RBM19: variants seen among roughly 807,000 people sequenced by gnomAD.
The protein encoded by RBM19 is probable RNA-binding protein 19.
Under a neutral mutation model 116.8 loss-of-function variants are expected in RBM19, and 94 were observed. The ratio of observed to expected loss-of-function variants is 0.80; its 90% CI spans 0.68 to 0.95. The LOEUF is 0.95. Ranked by LOEUF, RBM19 falls within the 40% of genes least tolerant of loss-of-function variation. The pLI is 0.00. For synonymous variants in RBM19, 475 were observed against 494.1 expected (o/e 0.96, Z 0.51); for missense variants, 1,161 against 1,220.7 (o/e 0.95, Z 0.73).
At chr12:113,828,570 C>G (rs1875085201) in intron 23 of RBM19, among the ~76,000 whole-genome samples, 1 of 152,080 alleles carries the variant, frequency 6.6e-6, no homozygotes, top group African/African-American at 2.4e-5. Flanking sequence ...GTGTGGAGGC[C>G]AGAATGAGGC....
rs1880563099 is a variant in RBM19 at position 113,886,840 on chromosome 12, C to T, written c.2559-27944G>A. 2.0e-5 allele frequency among the ~76,000 whole-genome samples: 3 copies of T among 152,154 alleles called. No homozygotes were observed. The South Asian group carries it at 6.2e-4, about 32-fold the overall frequency. On this transcript the variant is annotated intron_variant, in intron 21 of 23. Coordinates refer to ENST00000261741, the MANE Select transcript of RBM19 (RefSeq NM_016196.4). Reference sequence around the variant, plus strand: ...CGAGTTTCTCAAACAGTAAACATCACACAGGCCACGCAGCCCAAGGACAGA... The same window carrying T: ...CGAGTTTCTCAAACAGTAAACATCATACAGGCCACGCAGCCCAAGGACAGA...
Position 113,887,009 on chromosome 12 carries a change from C to T in RBM19, c.2558+27960G>A, listed in dbSNP as rs1040880525. Among the ~76,000 whole-genome samples the T allele has an allele frequency of 9.2e-5, 14 of 152,020 alleles. 1 individual carries two copies. The highest frequency in any genetic ancestry group is 3.4e-4 in the African/African-American group (14 of 41,364). Reference sequence around the variant, plus strand: ...TGTACCGCCTGTTTTGTACAGCCATCGAAGCAAGGGTGGTTTTTACATTTT... The same window carrying T: ...TGTACCGCCTGTTTTGTACAGCCATTGAAGCAAGGGTGGTTTTTACATTTT... On this transcript the variant is annotated intron_variant, in intron 21 of 23. Coordinates refer to ENST00000261741, the MANE Select transcript of RBM19 (RefSeq NM_016196.4).
intron 8 of RBM19, among the ~76,000 whole-genome samples, chr12:113,951,682 T>G (rs757880371): frequency 3.3e-5 from 5 of 152,120 alleles, no homozygotes; most frequent in Admixed American, 6.5e-5. Flanking sequence ...AGGAGAAGGA[T>G]GGGTGGCTGA....
rs1593557713 is a variant in RBM19 at position 113,903,057 on chromosome 12, C to A, written c.2558+11912G>T. Among the ~76,000 whole-genome samples the A allele has an allele frequency of 6.6e-6, 1 of 152,178 alleles. No individual in the cohort carries two copies. Among genetic ancestry groups the A allele is most frequent in the African/African-American group, 2.4e-5 (1 of 41,440 alleles). Reference sequence around the variant, plus strand: ...CCTGTACCCTCTATCCAGTAACTCCCAACCTACCTTCCCCTTCCCTAAGCA... The same window carrying A: ...CCTGTACCCTCTATCCAGTAACTCCAAACCTACCTTCCCCTTCCCTAAGCA... On this transcript the variant is annotated intron_variant, in intron 21 of 23. Coordinates refer to ENST00000261741, the MANE Select transcript of RBM19 (RefSeq NM_016196.4). The surrounding 1 kb of genome is among the most constrained non-coding windows in gnomAD (Gnocchi z 5.1).
chr12:113,964,062 C>T (rs1237321433), intron 1 of RBM19, among the ~76,000 whole-genome samples: 1 of 152,204 alleles, frequency 6.6e-6, no homozygotes, highest in Admixed American at 6.5e-5. Flanking sequence ...GATCTGGTGC[C>T]TCTCTTTTCT....
chr12:113,960,147 G>A lies in RBM19; in HGVS notation c.251C>T (p.Ala84Val), dbSNP rs750942479. 1.9e-6 allele frequency: 3 copies of A among 1,613,964 alleles called. No homozygotes were observed. Among genetic ancestry groups the A allele is most frequent in the Non-Finnish European group, 2.5e-6 (3 of 1,180,048 alleles). The change falls in exon 3 of 24, where the codon GCC becomes GTC. Residue 84 changes from alanine (A) to valine (V), a missense_variant. Coordinates refer to ENST00000261741, the MANE Select transcript of RBM19 (RefSeq NM_016196.4). ...VEFCKSFGDPAKPRAWSKHAQ... is the reference protein window; with the variant it reads ...VEFCKSFGDPVKPRAWSKHAQ... ...ATGTTTGCTCCAGGCTCTGGGTTTG[G>A]CCGGGTCCCCGAATGACTTGCAGAA...
At chr12:113,849,676 T>C (rs1296790891) in intron 22 of RBM19, among the ~76,000 whole-genome samples, 1 of 152,202 alleles carries the variant, frequency 6.6e-6, no homozygotes, top group Non-Finnish European at 1.5e-5. Context: ...GACCCCCAGA[T>C]GGTCTGCTGG....
At chr12:113,929,076 C>T (rs181720400) in intron 16 of RBM19, among the ~76,000 whole-genome samples, 120 of 152,248 alleles carry the variant, frequency 7.9e-4, no homozygotes, top group Admixed American at 3.3e-3. Flanking sequence ...GTCCCACGGG[C>T]GGGTACGCTG....
intron 17 of RBM19, among the ~76,000 whole-genome samples, chr12:113,925,933 C>A (rs1049170879): frequency 9.2e-5 from 14 of 152,218 alleles, no homozygotes; most frequent in African/African-American, 3.4e-4. Context: ...TACATGCCGC[C>A]ATTTAAAAGC....
chr12:113,823,694 C>A (rs1214950202), intron 23 of RBM19, among the ~76,000 whole-genome samples: 1 of 152,126 alleles, frequency 6.6e-6, no homozygotes, highest in Non-Finnish European at 1.5e-5. Flanking sequence ...CTTCTACCCG[C>A]AGGGGAAAGG....
intron 21 of RBM19, among the ~76,000 whole-genome samples, chr12:113,888,917 G>A (rs140883162): frequency 4.0e-4 from 61 of 152,320 alleles, no homozygotes; most frequent in African/African-American, 9.9e-4. Context: ...GGTTCTTAAC[G>A]GGTGGTACTG....
At chr12:113,849,542 TTG>T (rs1877283971) in intron 22 of RBM19, among the ~76,000 whole-genome samples, 2 of 152,210 alleles carry the variant, frequency 1.3e-5, no homozygotes, top group Non-Finnish European at 2.9e-5. Context: ...AGTGGGACAT[TTG>T]GCCTTTTGAA....
intron 1 of RBM19, among the ~76,000 whole-genome samples, chr12:113,963,210 T>C (rs561777892): frequency 6.6e-6 from 1 of 152,352 alleles, no homozygotes; most frequent in Admixed American, 6.5e-5. Context: ...TTTAAGCCAC[T>C]AAGTTTGTGC....
intron 23 of RBM19, among the ~76,000 whole-genome samples, chr12:113,837,579 C>T (rs774800120): frequency 1.3e-5 from 2 of 152,186 alleles, no homozygotes; most frequent in Admixed American, 6.5e-5. Context: ...GTACCAATGA[C>T]GGAGCTGAGG....
intron 18 of RBM19, among the ~76,000 whole-genome samples, chr12:113,923,916 C>T (rs1222781889): frequency 6.6e-6 from 1 of 152,248 alleles, no homozygotes; most frequent in African/African-American, 2.4e-5. Context: ...TGGGGACTGT[C>T]TGAGGAGTAA....
At chr12:113,958,136 G>A in intron 5 of RBM19, 86 bp from the exon 6 acceptor site, 1 of 1,522,562 alleles carries the variant, frequency 6.6e-7, no homozygotes, top group Non-Finnish European at 8.8e-7. Flanking sequence ...TCCTCCTAGT[G>A]AGAGGCCTGA....
chr12:113,947,159 C>A (rs554052158), intron 11 of RBM19, among the ~76,000 whole-genome samples, 175 bp downstream of exon 11: 1 of 152,196 alleles, frequency 6.6e-6, no homozygotes, highest in Admixed American at 6.5e-5. Flanking sequence ...TGCCCTCACA[C>A]GACTTCTTAC....
chr12:113,882,701 G>A (rs1283804632), intron 21 of RBM19, among the ~76,000 whole-genome samples: 3 of 152,198 alleles, frequency 2.0e-5, no homozygotes, highest in Non-Finnish European at 4.4e-5. Flanking sequence ...GCGGCTTGGG[G>A]TATCTTAACC....
chr12:113,845,276 G>C (rs985266881), intron 22 of RBM19, among the ~76,000 whole-genome samples: 1 of 152,088 alleles, frequency 6.6e-6, no homozygotes, highest in African/African-American at 2.4e-5. Context: ...TTCTGTCTCT[G>C]CTGCCAGTGC....
Sources: gnomAD v4.1 joint callset for allele counts (sites outside exome capture counted in the v4.1 genomes callset) on GRCh38, gnomAD v4.1.1 for gene constraint, Gnocchi (gnomAD v3.1) non-coding constraint, MANE v1.5 for transcripts, NCBI Gene and HGNC (gene_info 2026-07-23, HGNC 2026-07-21) for gene names.